Variants in DCUN1D1 observed in about 807,000 individuals in gnomAD.
DCUN1D1 encodes the protein defective in cullin neddylation 1 domain containing 1, also known as DCN1-like protein 1.
A neutral mutation model predicts 39.0 loss-of-function variants in DCUN1D1; 3 were observed. The ratio of observed to expected loss-of-function variants is 0.08; its 90% CI spans 0.04 to 0.20. DCUN1D1 has a LOEUF of 0.20. DCUN1D1 is among the 10% of genes least tolerant of loss of function. The pLI is 1.00. For missense variants in DCUN1D1, 158 were observed against 302.4 expected (o/e 0.52, Z 3.54); for synonymous variants, 82 against 96.3 (o/e 0.85, Z 0.87).
At chr3:182,983,712 A>G (rs909641623), upstream of DCUN1D1, among the ~76,000 whole-genome samples, 17 of 147,500 alleles carry the variant, frequency 1.2e-4, no homozygotes, top group Non-Finnish European at 2.4e-4. Flanking sequence ...CACCTCAAAG[A>G]AAAAAAAAAA....
chr3:182,940,193 C>A lies in DCUN1D1; in HGVS notation c.*4901G>T, dbSNP rs9848209. On this transcript the variant is annotated 3_prime_UTR_variant, in exon 7 of 7. Transcript: ENST00000292782. ...TTCTTTTTGTAAAAATCTCTTGCTT[C>A]GTATTGGGTATTGCCCAAGTTTTCC... The A allele has an allele frequency of 1.3e-5, 2 of 152,030 alleles. No homozygotes were observed. The highest frequency in any genetic ancestry group is 1.9e-4 in the East Asian group (1 of 5,186). 9.4% of individuals were successfully genotyped at this position (152,030 alleles called of 1,614,324 possible). A position where few individuals can be genotyped will look rare whatever the true frequency, so the allele number is the denominator to read the frequency against.
intron 4 of DCUN1D1, among the ~76,000 whole-genome samples, chr3:182,954,727 A>G (rs928084002): frequency 2.0e-5 from 3 of 152,224 alleles, no homozygotes; most frequent in African/African-American, 7.2e-5. Context: ...ACATGCAAAC[A>G]TAAGTATGAG....
intron 4 of DCUN1D1, among the ~76,000 whole-genome samples, chr3:182,950,199 G>A (rs892483064): frequency 2.0e-5 from 3 of 151,882 alleles, no homozygotes; most frequent in African/African-American, 7.3e-5. Flanking sequence ...CCAGGCTGGA[G>A]TGCTGTGGTG....
chr3:182,946,471 C>T (rs527995627), intron 6 of DCUN1D1, among the ~76,000 whole-genome samples: 1 of 149,134 alleles, frequency 6.7e-6, no homozygotes, highest in Non-Finnish European at 1.5e-5. Flanking sequence ...GCAGCAGAAT[C>T]GCTTGAACCC....
intron 4 of DCUN1D1, among the ~76,000 whole-genome samples, chr3:182,960,356 C>G (rs1727320402): frequency 6.6e-6 from 1 of 152,140 alleles, no homozygotes; most frequent in Admixed American, 6.5e-5. Flanking sequence ...TGTGTCTCAC[C>G]AATTTCATCT....
chr3:182,956,395 TAACAAC>T (rs201531194), intron 4 of DCUN1D1: 2,363 of 212,542 alleles, frequency 0.011, 159 homozygotes, highest in Admixed American at 0.1. Flanking sequence ...TAACACAAAA[TAACAAC>T]AACAACAACA....
intron 6 of DCUN1D1, among the ~76,000 whole-genome samples, chr3:182,946,166 G>C (rs920181469): frequency 1.3e-5 from 2 of 152,148 alleles, no homozygotes; most frequent in African/African-American, 4.8e-5. Context: ...GTGGATGGTA[G>C]CACCATCTTT....
At chr3:182,985,282 G>GT (rs1363025578), upstream of DCUN1D1, among the ~76,000 whole-genome samples, 2 of 152,188 alleles carry the variant, frequency 1.3e-5, no homozygotes, top group African/African-American at 2.4e-5. Context: ...ACCCCCCAGT[G>GT]TTACTGGTGA....
rs769222295 is a variant in DCUN1D1 at position 182,963,984 on chromosome 3, C to T, written c.286G>A (p.Asp96Asn). 68 of 1,613,916 alleles carry T rather than the reference C, an allele frequency of 4.2e-5. No homozygotes were observed. The highest frequency in any genetic ancestry group is 6.7e-5 in the Admixed American group (4 of 60,000). Residue 96 changes from aspartate to asparagine, a missense_variant, in exon 3 of 7, where the codon GAT (aspartate) becomes AAT (asparagine). Coordinates refer to ENST00000292782, the MANE Select transcript of DCUN1D1 (RefSeq NM_020640.4). ...ATCAACACACTAATGCTGGCTGGAT[C>T]GAGTGCCAGGTCATCACAGAACTGC... ...IQQFCDDLALDPASISVLIIA... is the reference protein window; with the variant it reads ...IQQFCDDLALNPASISVLIIA...
rs1726106271 is a variant in DCUN1D1 at position 182,940,908 on chromosome 3, TTAAA to T, written c.*4182_*4185del. On this transcript the variant is annotated 3_prime_UTR_variant, in exon 7 of 7. Transcript: ENST00000292782. Reference sequence around the variant, plus strand: ...ATGATTCCCTTTAAATAATTTCCCTTTAAAACTCCATAAAGACATTACTTATTGA... The same window carrying T: ...ATGATTCCCTTTAAATAATTTCCCTTACTCCATAAAGACATTACTTATTGA... 1.3e-5 allele frequency: 2 copies of T among 152,182 alleles called. No individual in the cohort carries two copies. Among genetic ancestry groups the T allele is most frequent in the Non-Finnish European group, 2.9e-5 (2 of 68,032 alleles). The allele number at this position is 152,182 out of a possible 1,614,324, so 9.4% of individuals were successfully genotyped here.
intron 1 of DCUN1D1, among the ~76,000 whole-genome samples, chr3:182,977,164 TG>T (rs1728276944): frequency 6.6e-6 from 1 of 152,158 alleles, no homozygotes; most frequent in Non-Finnish European, 1.5e-5. Flanking sequence ...CAGATAATAC[TG>T]GGGGAAATGG....
intron 1 of DCUN1D1, among the ~76,000 whole-genome samples, chr3:182,971,438 T>C: frequency 6.6e-6 from 1 of 152,022 alleles, no homozygotes; most frequent in Non-Finnish European, 1.5e-5. Flanking sequence ...CCGGGCATGG[T>C]GGTGCATTCC....
At chr3:182,949,127 G>A (rs1418225983) in intron 4 of DCUN1D1, among the ~76,000 whole-genome samples, 5 of 151,354 alleles carry the variant, frequency 3.3e-5, no homozygotes, top group East Asian at 3.9e-4. Context: ...TTGGGAGGCC[G>A]AGGCAGGCAG....
At chr3:182,968,043 C>T (rs976154128) in intron 1 of DCUN1D1, among the ~76,000 whole-genome samples, 1 of 152,192 alleles carries the variant, frequency 6.6e-6, no homozygotes, top group South Asian at 2.1e-4. Flanking sequence ...TGCAAGTACA[C>T]CAACCACAGA....
chr3:182,981,795 T>C (rs1728561293), upstream of DCUN1D1, among the ~76,000 whole-genome samples: 1 of 152,264 alleles, frequency 6.6e-6, no homozygotes, highest in South Asian at 2.1e-4. Flanking sequence ...AGCCATGTAC[T>C]GGGAGCGCCC....
intron 3 of DCUN1D1, 51 bp downstream of exon 3, chr3:182,963,830 A>T: frequency 6.9e-7 from 1 of 1,440,834 alleles, no homozygotes; most frequent in South Asian, 1.4e-5. Flanking sequence ...TCATGACATA[A>T]TTCAGTTCCA....
chr3:182,966,431 CCTGAAAGAATCA>C (rs774425764), intron 1 of DCUN1D1, among the ~76,000 whole-genome samples: 18 of 151,876 alleles, frequency 1.2e-4, no homozygotes, highest in Non-Finnish European at 1.8e-4. Flanking sequence ...TTCTTTTTCC[CCTGAAAGAATCA>C]CTTCATTCCC....
intron 1 of DCUN1D1, among the ~76,000 whole-genome samples, chr3:182,968,689 T>C (rs1357160599): frequency 1.3e-5 from 2 of 151,950 alleles, no homozygotes; most frequent in African/African-American, 4.8e-5. Context: ...AACCTCCATC[T>C]CCCAGGCTCA....
chr3:182,976,440 T>TACACAC (rs1408876815), intron 1 of DCUN1D1, among the ~76,000 whole-genome samples: 1 of 93,076 alleles, frequency 1.1e-5, no homozygotes, highest in African/African-American at 3.9e-5. Context: ...TACATATACA[T>TACACAC]ACATACACAC....
Sources: gnomAD v4.1 joint callset for allele counts (sites outside exome capture counted in the v4.1 genomes callset) on GRCh38, gnomAD v4.1.1 for gene constraint, MANE v1.5 for transcripts, NCBI Gene and HGNC (gene_info 2026-07-23, HGNC 2026-07-21) for gene names.